DYNC2H1: variants seen among roughly 807,000 people sequenced by gnomAD.
DYNC2H1 encodes the protein cytoplasmic dynein 2 heavy chain 1.
Under a neutral mutation model 570.0 loss-of-function variants are expected in DYNC2H1, and 410 were observed. The ratio of observed to expected loss-of-function variants is 0.72; its 90% confidence interval spans 0.66 to 0.78. The LOEUF is 0.78. Among genes scored for constraint, DYNC2H1 ranks in the 30% least tolerant of loss-of-function variants. The pLI is 0.00. For missense variants in DYNC2H1, 4,865 were observed against 5,046.4 expected, an observed-to-expected ratio of 0.96 and a Z score of 1.09; for synonymous variants, 1,688 against 1,677.6, an observed-to-expected ratio of 1.01 and a Z score of -0.15.
In DYNC2H1 at chr11:103,245,886, G is replaced by C. The variant is rs1001366922; in HGVS notation, c.10042+512G>C. Among the ~76,000 whole-genome samples the C allele has an allele frequency of 6.6e-6, 1 of 152,094 alleles. No homozygotes were observed. Among genetic ancestry groups the C allele is most frequent in the African/African-American group, 2.4e-5 (1 of 41,426 alleles). ...AGAAGGCTATGCCTTGAAACTTAAA[G>C]AGCATATCATGCAAAGTGTATACAC... On this transcript the variant is annotated intron_variant, in intron 65 of 88. Coordinates refer to ENST00000375735, the MANE Select transcript of DYNC2H1 (RefSeq NM_001377.3). This position sits in a 1 kb window ranked among gnomAD's most constrained non-coding sequence, Gnocchi z 4.5.
intron 82 of DYNC2H1, among the ~76,000 whole-genome samples, chr11:103,332,880 G>A (rs921364739): frequency 1.3e-5 from 2 of 152,066 alleles, no homozygotes; most frequent in Non-Finnish European, 2.9e-5. Context: ...GCACACGCCT[G>A]TAATCGCAGC....
At chr11:103,459,563 G>A (rs933028918) in intron 87 of DYNC2H1, among the ~76,000 whole-genome samples, 8 of 152,082 alleles carry the variant, frequency 5.3e-5, no homozygotes, top group Admixed American at 2.6e-4. Context: ...TCCTAGCATC[G>A]GCTACAATGG....
intron 11 of DYNC2H1, among the ~76,000 whole-genome samples, chr11:103,124,866 G>A (rs771713615): frequency 7.9e-5 from 12 of 152,100 alleles, no homozygotes; most frequent in African/African-American, 2.9e-4. Flanking sequence ...CTTTAAAACT[G>A]CTTGGTTGAA....
At chr11:103,392,597 G>T in intron 83 of DYNC2H1, among the ~76,000 whole-genome samples, 1 of 152,158 alleles carries the variant, frequency 6.6e-6, no homozygotes, top group East Asian at 1.9e-4. Context: ...GCTTTAGACT[G>T]GAGCTGTTCC....
chr11:103,270,280 T>A (rs1865654372), intron 70 of DYNC2H1, among the ~76,000 whole-genome samples: 1 of 151,696 alleles, frequency 6.6e-6, no homozygotes, highest in Non-Finnish European at 1.5e-5. Flanking sequence ...ATCTCTTATC[T>A]ATGGGGGATA....
intron 17 of DYNC2H1, 79 bp from the exon 18 acceptor site, chr11:103,143,189 A>T: frequency 6.8e-7 from 1 of 1,460,312 alleles, no homozygotes; most frequent in East Asian, 2.3e-5. Flanking sequence ...ATTGGTTTTA[A>T]TAGTTGAATC....
intron 75 of DYNC2H1, among the ~76,000 whole-genome samples, chr11:103,301,322 TTTC>T (rs1464051564): frequency 6.6e-6 from 1 of 151,980 alleles, no homozygotes; most frequent in Non-Finnish European, 1.5e-5. Context: ...TCCTGAATTG[TTTC>T]TTAAGTTATT....
chr11:103,195,681 T>G (rs1271637330), intron 47 of DYNC2H1, among the ~76,000 whole-genome samples: 1 of 152,232 alleles, frequency 6.6e-6, no homozygotes, highest in African/African-American at 2.4e-5. Context: ...TAAACAATGT[T>G]GCTGAGATTC....
chr11:103,318,482 C>T (rs890969259), intron 80 of DYNC2H1, among the ~76,000 whole-genome samples: 2 of 152,062 alleles, frequency 1.3e-5, no homozygotes, highest in Non-Finnish European at 2.9e-5. Context: ...TAGTTGTAGT[C>T]CATTTATTCT....
intron 83 of DYNC2H1, among the ~76,000 whole-genome samples, chr11:103,393,081 A>G (rs1450060158): frequency 6.6e-6 from 1 of 152,086 alleles, no homozygotes; most frequent in African/African-American, 2.4e-5. Flanking sequence ...ACGGGGTTTC[A>G]CCATGTTGGC....
chr11:103,322,697 G>C (rs1565494594), intron 81 of DYNC2H1, among the ~76,000 whole-genome samples: 1 of 152,094 alleles, frequency 6.6e-6, no homozygotes. Flanking sequence ...AGATTTCATA[G>C]CTATTTTGAA....
chr11:103,327,960 A>C (rs10895397), intron 82 of DYNC2H1, among the ~76,000 whole-genome samples: 7,327 of 152,240 alleles, frequency 0.048, 354 homozygotes, highest in East Asian at 0.22. Context: ...CCCTTATCTT[A>C]ACTACGTAGT....
chr11:103,307,273 ACT>A (rs763750489), intron 77 of DYNC2H1, among the ~76,000 whole-genome samples: 2 of 152,236 alleles, frequency 1.3e-5, no homozygotes, highest in East Asian at 3.9e-4. Context: ...TCATTATATA[ACT>A]CTGTAGAAGC....
At chr11:103,143,957 A>G (rs1047455388) in intron 18 of DYNC2H1, among the ~76,000 whole-genome samples, 1 of 152,172 alleles carries the variant, frequency 6.6e-6, no homozygotes, top group Non-Finnish European at 1.5e-5. Context: ...TGCATATGTC[A>G]CCTCTAAAGG....
rs745910492 is a variant in DYNC2H1, at chr11:103,311,943, C to T, written c.11559C>T (p.Ser3853=). ...TYESWTPEQI[S]KKDNTHRAHA... Reference sequence around the variant, plus strand: ...AGTCTTGGACTCCTGAGCAAATTAGCAAAAAAGATAATACACATCGAGCTC... The same window carrying T: ...AGTCTTGGACTCCTGAGCAAATTAGTAAAAAAGATAATACACATCGAGCTC... The change falls in exon 79 of 89, where the codon AGC becomes AGT. Residue 3853 remains serine, a synonymous_variant. Coordinates refer to ENST00000375735, the MANE Select transcript of DYNC2H1 (RefSeq NM_001377.3). 8 of 1,613,242 alleles carry T rather than the reference C, an allele frequency of 5.0e-6. No individual in the cohort carries two copies. The East Asian group carries it at 6.7e-5, about 13-fold the overall frequency.
rs571231065 is a variant in DYNC2H1, at chr11:103,113,683, A to G, written c.342A>G (p.Gln114=). The change falls in exon 2 of 89, where the codon CAA becomes CAG. Residue 114 remains glutamine, a synonymous_variant. Coordinates refer to ENST00000375735, the MANE Select transcript of DYNC2H1 (RefSeq NM_001377.3). ...GTTCTCTTTACCAAGCAGTACGGCA[A>G]GTATTCGCACCAATGTTGTTAAAGG... ...PISSLYQAVR[Q]VFAPMLLKDQ... 14 of 1,550,088 alleles carry G rather than the reference A, an allele frequency of 9.0e-6. No homozygotes were observed. The South Asian group carries it at 1.2e-4, about 13-fold the overall frequency.
rs930054861 is a variant in DYNC2H1, at chr11:103,465,931, C to T, written c.12649-2658C>T. Among the ~76,000 whole-genome samples the T allele has an allele frequency of 1.2e-4, 18 of 152,162 alleles. No individual in the cohort carries two copies. The highest frequency in any genetic ancestry group is 2.2e-4 in the Non-Finnish European group (15 of 68,036). ...TTCAAGGGGTAGAAAAGAAACTCCA[C>T]GTCCTGAAGGAAGCAGCAGCCAAGC... is the stretch of plus-strand genomic sequence containing the variant. On this transcript the variant is annotated intron_variant, in intron 87 of 88. Transcript: ENST00000375735. The surrounding 1 kb of genome is among the most constrained non-coding windows in gnomAD (Gnocchi z 4.9).
chr11:103,156,605 T>G lies in DYNC2H1; in HGVS notation c.3962T>G (p.Phe1321Cys). 1 of 1,613,690 alleles carries G rather than the reference T, an allele frequency of 6.2e-7. No individual in the cohort carries two copies. The highest frequency in any genetic ancestry group is 8.5e-7 in the Non-Finnish European group (1 of 1,179,712). The change falls in exon 26 of 89, where the codon TTT (phenylalanine) becomes TGT (cysteine). Residue 1321 changes from phenylalanine (F) to cysteine (C), a missense_variant. Around this residue, in one of 5 missense-constraint regions of DYNC2H1, gnomAD observed 1,936 missense variants for 1,962.1 expected, o/e 0.99. Transcript: ENST00000375735. ...SLKDSPYYKG[F>C]EDKVSIWERK... ...AAGGATTCTCCTTATTATAAAGGAT[T>G]TGAAGATAAAGTATCAATTTGGGAA...
At chr11:103,298,907 A>G (rs1787264835) in intron 75 of DYNC2H1, among the ~76,000 whole-genome samples, 2 of 152,136 alleles carry the variant, frequency 1.3e-5, no homozygotes, top group Admixed American at 6.6e-5. Flanking sequence ...CAGTCCTCAA[A>G]GCTTTTAGGG....
Sources: gnomAD v4.1 joint callset for allele counts (sites outside exome capture counted in the v4.1 genomes callset) on GRCh38, gnomAD v4.1.1 for gene constraint, gnomAD v4.1.1 regional missense constraint, Gnocchi (gnomAD v3.1) non-coding constraint, MANE v1.5 for transcripts, NCBI Gene and HGNC (gene_info 2026-07-23, HGNC 2026-07-21) for gene names.